The following LRRC37A2 variants were observed in gnomAD, a reference collection of about 807,000 sequenced individuals.
LRRC37A2 encodes leucine-rich repeat-containing protein 37A2.
A neutral mutation model predicts 68.8 loss-of-function variants in LRRC37A2; 9 were observed. The ratio of observed to expected loss-of-function variants is 0.13; its 90% confidence interval spans 0.08 to 0.23. The LOEUF (loss-of-function observed/expected upper bound fraction) is 0.23. Ranked by LOEUF, LRRC37A2 falls within the 10% of genes least tolerant of loss-of-function variation. The pLI is 1.00. For missense variants in LRRC37A2, 168 were observed against 950.4 expected, an observed-to-expected ratio of 0.18 and a Z score of 10.82; for synonymous variants, 63 against 367.6, an observed-to-expected ratio of 0.17 and a Z score of 9.48.
the LRRC37A2 span, chr17:46,940,932 T>G: frequency 7.7e-7 from 1 of 1,294,274 alleles, no homozygotes; most frequent in Non-Finnish European, 9.9e-7. Context: ...AAAATAGACC[T>G]TGGCCTAACA....
the LRRC37A2 span, among the ~76,000 whole-genome samples, chr17:46,741,629 G>A: frequency 1.3e-5 from 2 of 152,060 alleles, no homozygotes; most frequent in African/African-American, 4.8e-5. Context: ...ATTTAAACAA[G>A]AGAAATCAGA....
chr17:46,779,345 C>G, the LRRC37A2 span, among the ~76,000 whole-genome samples: 2 of 152,196 alleles, frequency 1.3e-5, no homozygotes, highest in Non-Finnish European at 2.9e-5. Context: ...CTGCCTGGCA[C>G]TGACAGCTGG....
the LRRC37A2 span, among the ~76,000 whole-genome samples, chr17:46,822,044 G>T: frequency 6.6e-6 from 1 of 152,254 alleles, no homozygotes; most frequent in Non-Finnish European, 1.5e-5. Context: ...AACCTGGGGG[G>T]GTAAAGGGAG....
chr17:46,879,200 G>A, the LRRC37A2 span, among the ~76,000 whole-genome samples: 3 of 152,216 alleles, frequency 2.0e-5, no homozygotes, highest in Non-Finnish European at 2.9e-5. Flanking sequence ...GGTGGGGTTT[G>A]TGTATTTTCC....
At chr17:46,931,009 G>T in the LRRC37A2 span, 1 of 765,240 alleles carries the variant, frequency 1.3e-6, no homozygotes, top group South Asian at 1.4e-5. Flanking sequence ...CTAGTTTATT[G>T]GATATTGAAA....
the LRRC37A2 span, among the ~76,000 whole-genome samples, chr17:46,793,418 A>G: frequency 6.6e-6 from 1 of 152,070 alleles, no homozygotes. Context: ...GTTGGGGTTA[A>G]CATCCCTGTA....
chr17:46,860,413 C>A, the LRRC37A2 span, among the ~76,000 whole-genome samples: 1 of 152,124 alleles, frequency 6.6e-6, no homozygotes, highest in African/African-American at 2.4e-5. Flanking sequence ...TCGGACATGG[C>A]CCAAGGCCCT....
At chr17:46,756,750 T>G in the LRRC37A2 span, 1 of 152,650 alleles carries the variant, frequency 6.6e-6, no homozygotes, top group African/African-American at 2.4e-5. Context: ...TTATTTTAAA[T>G]GATCTGTACT....
the LRRC37A2 span, among the ~76,000 whole-genome samples, chr17:46,844,715 C>T: frequency 7.9e-5 from 12 of 152,280 alleles, no homozygotes; most frequent in East Asian, 1.7e-3. Flanking sequence ...TGCCTCTGTG[C>T]AGACCCAAAT....
At chr17:46,838,583 C>T in the LRRC37A2 span, among the ~76,000 whole-genome samples, 2 of 151,868 alleles carry the variant, frequency 1.3e-5, no homozygotes, top group Admixed American at 1.3e-4. Context: ...GCCATGATGG[C>T]GCCACTGCAC....
At chr17:46,707,999 C>T in the LRRC37A2 span, among the ~76,000 whole-genome samples, 13 of 149,144 alleles carry the variant, frequency 8.7e-5, no homozygotes, top group Non-Finnish European at 1.5e-4. Flanking sequence ...TGCCACTGCA[C>T]GCCAGCCTGG....
the LRRC37A2 span, among the ~76,000 whole-genome samples, chr17:46,488,757 C>G: frequency 7.2e-6 from 1 of 138,596 alleles, no homozygotes; most frequent in African/African-American, 2.8e-5. Context: ...ACCTCCTCCC[C>G]CAATGGAAAA....
At chr17:46,711,241 G>A in the LRRC37A2 span, 2 of 922,286 alleles carry the variant, frequency 2.2e-6, no homozygotes, top group Non-Finnish European at 3.0e-6. Context: ...TTCTTGATCT[G>A]AAAATAGTAA....
At chr17:46,848,376 A>G in the LRRC37A2 span, among the ~76,000 whole-genome samples, 4 of 152,236 alleles carry the variant, frequency 2.6e-5, no homozygotes, top group African/African-American at 9.6e-5. Flanking sequence ...TTTCCTGAGT[A>G]CCTACTATGT....
chr17:46,881,974 A>G, the LRRC37A2 span, among the ~76,000 whole-genome samples: 7 of 152,220 alleles, frequency 4.6e-5, no homozygotes, highest in Middle Eastern at 3.4e-3. Context: ...GACTTCCCCA[A>G]TTGTCCCTCA....
chr17:46,826,687 A>G, the LRRC37A2 span, among the ~76,000 whole-genome samples: 1 of 152,186 alleles, frequency 6.6e-6, no homozygotes, highest in Admixed American at 6.5e-5. Context: ...TTGCCTATTC[A>G]GCAGAGTGAT....
At chr17:46,805,612 C>T in the LRRC37A2 span, among the ~76,000 whole-genome samples, 9 of 152,022 alleles carry the variant, frequency 5.9e-5, no homozygotes, top group Non-Finnish European at 4.4e-5. Flanking sequence ...AAATTAGCCA[C>T]ATATGGTGCT....
At chr17:46,873,988 C>CAAAA in the LRRC37A2 span, among the ~76,000 whole-genome samples, 2 of 69,694 alleles carry the variant, frequency 2.9e-5, no homozygotes, top group Non-Finnish European at 6.1e-5. Flanking sequence ...GACTCTGTCT[C>CAAAA]AAAAAAAAAA....
the LRRC37A2 span, among the ~76,000 whole-genome samples, chr17:46,856,426 A>T: frequency 1.3e-5 from 2 of 152,064 alleles, no homozygotes. Flanking sequence ...GAGAAACAAA[A>T]CATAATCTTT....
Sources: allele counts gnomAD v4.1 joint callset (sites outside exome capture counted in the v4.1 genomes callset), GRCh38; gene constraint gnomAD v4.1.1; transcripts MANE v1.5; gene names NCBI Gene and HGNC (gene_info 2026-07-23, HGNC 2026-07-21).